The following FYB2 variants were observed in gnomAD, a reference collection of about 807,000 sequenced individuals.
FYB2 encodes the protein FYN binding protein 2, also known as FYN-binding protein 2.
FYB2 carries 103 observed loss-of-function variants against 94.1 expected under a neutral mutation model. The ratio of observed to expected loss-of-function variants is 1.09; its 90% confidence interval spans 0.93 to 1.29. The LOEUF is 1.29. FYB2 is among the 50% of genes most tolerant of loss of function. The pLI is 0.00. For synonymous variants in FYB2, 293 were observed against 287.9 expected, an observed-to-expected ratio of 1.02 and a Z score of -0.18; for missense variants, 896 against 841.5, an observed-to-expected ratio of 1.06 and a Z score of -0.80.
At chr1:56,813,863 C>T (rs1337269955) in intron 1 of FYB2, among the ~76,000 whole-genome samples, 1 of 152,212 alleles carries the variant, frequency 6.6e-6, no homozygotes, top group Non-Finnish European at 1.5e-5. Flanking sequence ...AATTAATTAA[C>T]TTGCTCAACA....
chr1:56,726,659 C>T, intron 15 of FYB2, 76 bp from the exon 16 acceptor site: 1 of 1,184,172 alleles, frequency 8.4e-7, no homozygotes, highest in Non-Finnish European at 1.2e-6. Context: ...ACTTCATGGG[C>T]AATTATGTTT....
Position 56,812,577 on chromosome 1 carries a change from A to G in FYB2, c.9+6705T>C, listed in dbSNP as rs148422403. Reference sequence around the variant, plus strand: ...TCTCTGTATTTAATAGGTCCTAACAAAATGTTTCATTATTTTGATTAATCT... The same window carrying G: ...TCTCTGTATTTAATAGGTCCTAACAGAATGTTTCATTATTTTGATTAATCT... On this transcript the variant is annotated intron_variant, in intron 1 of 19. Transcript: ENST00000343433. Among the ~76,000 whole-genome samples, 961 of 152,334 alleles carry G rather than the reference A, an allele frequency of 6.3e-3. 6 individuals carry two copies. Among genetic ancestry groups the G allele is most frequent in the Middle Eastern group, 0.01 (3 of 294 alleles).
chr1:56,808,567 A>C (rs757956669), intron 1 of FYB2, among the ~76,000 whole-genome samples: 51 of 152,178 alleles, frequency 3.4e-4, no homozygotes, highest in Admixed American at 6.5e-5. Flanking sequence ...GACTCCTGGC[A>C]CCAGCTCCCA....
intron 11 of FYB2, among the ~76,000 whole-genome samples, chr1:56,743,477 T>C (rs755028289): frequency 6.6e-6 from 1 of 151,744 alleles, no homozygotes; most frequent in Non-Finnish European, 1.5e-5. Context: ...AGATTAAGAG[T>C]CAGTGAAACA....
At chr1:56,728,320 G>A (rs79409663) in intron 15 of FYB2, among the ~76,000 whole-genome samples, 1,835 of 152,064 alleles carry the variant, frequency 0.012, 33 homozygotes, top group African/African-American at 0.042. Context: ...ACAGTAATGC[G>A]TACCTATTCT....
chr1:56,794,738 T>G (rs112146153), intron 1 of FYB2, among the ~76,000 whole-genome samples: 2,070 of 152,046 alleles, frequency 0.014, 54 homozygotes, highest in African/African-American at 0.048. Flanking sequence ...TAACCACACT[T>G]TCTCTCCCCT....
chr1:56,795,659 C>A, intron 1 of FYB2, among the ~76,000 whole-genome samples: 1 of 151,744 alleles, frequency 6.6e-6, no homozygotes. Context: ...TTACAATAGC[C>A]ATCCTAATGG....
At chr1:56,807,886 A>G (rs1450916876) in intron 1 of FYB2, among the ~76,000 whole-genome samples, 1 of 152,176 alleles carries the variant, frequency 6.6e-6, no homozygotes, top group Non-Finnish European at 1.5e-5. Flanking sequence ...GGCAACAATA[A>G]TAGTATTTAC....
At chr1:56,743,921 G>T in intron 11 of FYB2, 105 bp downstream of exon 11, 2 of 1,223,032 alleles carry the variant, frequency 1.6e-6, no homozygotes, top group Non-Finnish European at 2.3e-6. Context: ...CCACAAATTG[G>T]CATTATTAAA....
At chr1:56,791,531 A>C (rs1435774829) in intron 2 of FYB2, among the ~76,000 whole-genome samples, 1 of 152,184 alleles carries the variant, frequency 6.6e-6, no homozygotes, top group Non-Finnish European at 1.5e-5. Context: ...AACAGGCATA[A>C]GCCACCGTGC....
chr1:56,790,967 C>G (rs1009250510), intron 2 of FYB2, among the ~76,000 whole-genome samples: 1 of 152,018 alleles, frequency 6.6e-6, no homozygotes, highest in Admixed American at 6.6e-5. Flanking sequence ...ATTTAAGGAA[C>G]AGCAAGAAAT....
intron 5 of FYB2, among the ~76,000 whole-genome samples, chr1:56,763,504 C>CT (rs551698798): frequency 1.3e-5 from 2 of 152,036 alleles, no homozygotes; most frequent in East Asian, 1.9e-4. Context: ...GGAATTGTTC[C>CT]TTTTTTTATC....
chr1:56,816,014 A>C (rs1361498499), intron 1 of FYB2, among the ~76,000 whole-genome samples: 1 of 152,244 alleles, frequency 6.6e-6, no homozygotes, highest in African/African-American at 2.4e-5. Context: ...TATAGGGTTC[A>C]CTTTAACCTT....
chr1:56,759,072 G>A (rs1189275847), intron 5 of FYB2, among the ~76,000 whole-genome samples: 3 of 152,134 alleles, frequency 2.0e-5, no homozygotes, highest in Non-Finnish European at 4.4e-5. Flanking sequence ...GAAGGCAAAC[G>A]TGAAAGGAAA....
chr1:56,759,597 T>C (rs913198166), intron 5 of FYB2, among the ~76,000 whole-genome samples: 3 of 152,168 alleles, frequency 2.0e-5, no homozygotes, highest in Non-Finnish European at 4.4e-5. Context: ...AACTGAAACA[T>C]TGTGTAGCAC....
chr1:56,726,366 G>C lies in FYB2; in HGVS notation c.1880+131C>G, dbSNP rs571844065. On this transcript the variant is annotated intron_variant, in intron 16 of 19. Transcript: ENST00000343433. ...TCCTCTCAACTGTACCATGATGTAGGTGTTGTTATTCTCATCTTGTAGATG... is the reference window on the plus strand; with the variant it reads ...TCCTCTCAACTGTACCATGATGTAGCTGTTGTTATTCTCATCTTGTAGATG... 96 of 724,946 alleles carry C rather than the reference G, an allele frequency of 1.3e-4. No homozygotes were observed. The African/African-American group carries it at 1.6e-3, about 12-fold the overall frequency. The allele number at this position is 724,946 out of a possible 1,614,324, so 44.9% of individuals were successfully genotyped here.
At chr1:56,759,088 A>C (rs1199110115) in intron 5 of FYB2, among the ~76,000 whole-genome samples, 1 of 152,200 alleles carries the variant, frequency 6.6e-6, no homozygotes, top group Admixed American at 6.5e-5. Flanking sequence ...GGAAAGGAAA[A>C]GGAAAAAGCC....
intron 15 of FYB2, among the ~76,000 whole-genome samples, chr1:56,735,534 A>G (rs1437439787): frequency 6.6e-6 from 1 of 152,092 alleles, no homozygotes; most frequent in Non-Finnish European, 1.5e-5. Flanking sequence ...AGTGTTCTAT[A>G]CCACTGATAT....
At chr1:56,805,126 T>C (rs1446765718) in intron 1 of FYB2, among the ~76,000 whole-genome samples, 1 of 152,206 alleles carries the variant, frequency 6.6e-6, no homozygotes, top group Non-Finnish European at 1.5e-5. Flanking sequence ...TTTAGTACCT[T>C]CTGCTTCCCT....
Sources: allele counts gnomAD v4.1 joint callset (sites outside exome capture counted in the v4.1 genomes callset), GRCh38; gene constraint gnomAD v4.1.1; transcripts MANE v1.5; gene names NCBI Gene and HGNC (gene_info 2026-07-23, HGNC 2026-07-21).